RELN: variants seen among roughly 807,000 people sequenced by gnomAD.
The protein encoded by RELN is reelin.
Under a neutral mutation model 427.6 loss-of-function variants are expected in RELN, and 108 were observed. That is an observed-to-expected ratio of 0.25 (90% CI 0.22 to 0.30). The LOEUF (loss-of-function observed/expected upper bound fraction) is 0.30, where lower values mean the gene tolerates loss of function less well. RELN is among the 10% of genes least tolerant of loss of function. The pLI, the probability that RELN is intolerant of heterozygous loss-of-function variation, is 1.00. For synonymous variants in RELN, 1,524 were observed against 1,513.4 expected (o/e 1.01, Z -0.16); for missense variants, 3,715 against 4,302.8 (o/e 0.86, Z 3.82).
intron 28 of RELN, among the ~76,000 whole-genome samples, chr7:103,589,157 A>G (rs982148028): frequency 5.3e-5 from 8 of 152,230 alleles, no homozygotes; most frequent in Non-Finnish European, 5.9e-5. Context: ...GTGGTGACCC[A>G]CTGAGGTTTT....
At chr7:103,758,251 T>C (rs1177094013) in intron 4 of RELN, among the ~76,000 whole-genome samples, 1 of 152,172 alleles carries the variant, frequency 6.6e-6, no homozygotes, top group Admixed American at 6.5e-5. Flanking sequence ...CTGGACTGAA[T>C]TGGAAATTGA....
intron 2 of RELN, among the ~76,000 whole-genome samples, chr7:103,846,037 T>C (rs370135367): frequency 2.0e-5 from 3 of 152,224 alleles, no homozygotes; most frequent in African/African-American, 4.8e-5. Flanking sequence ...TCTATTCCCA[T>C]TGAGCTGCCA....
At chr7:103,927,171 G>C (rs1795763410) in intron 1 of RELN, among the ~76,000 whole-genome samples, 2 of 152,024 alleles carry the variant, frequency 1.3e-5, no homozygotes, top group Admixed American at 6.6e-5. Flanking sequence ...AGACCCTGTG[G>C]GTGTGAGACT....
At chr7:103,545,666 G>C (rs552610195) in intron 41 of RELN, among the ~76,000 whole-genome samples, 1 of 150,984 alleles carries the variant, frequency 6.6e-6, no homozygotes, top group South Asian at 2.1e-4. Context: ...TTTTGAGACA[G>C]AGTCTCACTC....
At chr7:103,588,274 A>T (rs993078493) in intron 28 of RELN, among the ~76,000 whole-genome samples, 3 of 152,224 alleles carry the variant, frequency 2.0e-5, no homozygotes, top group Admixed American at 2.0e-4. Flanking sequence ...AGGGTCAAAA[A>T]GACAAATATT....
At chr7:103,748,577 T>C (rs1475619659) in intron 6 of RELN, among the ~76,000 whole-genome samples, 2 of 152,216 alleles carry the variant, frequency 1.3e-5, no homozygotes, top group African/African-American at 2.4e-5. Context: ...GAACCATACC[T>C]CTTTTTAATT....
intron 63 of RELN, among the ~76,000 whole-genome samples, chr7:103,480,033 A>T (rs1381676701): frequency 6.6e-6 from 1 of 152,210 alleles, no homozygotes; most frequent in Admixed American, 6.5e-5. Flanking sequence ...TTGCAAAAAC[A>T]TATCAGTAGC....
chr7:103,635,439 G>T lies in RELN; in HGVS notation c.2451C>A (p.Ser817Arg). 2 of 1,613,904 alleles carry T rather than the reference G, an allele frequency of 1.2e-6. No homozygotes were observed. The highest frequency in any genetic ancestry group is 1.7e-6 in the Non-Finnish European group (2 of 1,179,880). ...TTCCAACATACCTGGGCTCATGATAGCTGAGATATGAATAATGCTCCAGGA... is the reference window on the plus strand; with the variant it reads ...TTCCAACATACCTGGGCTCATGATATCTGAGATATGAATAATGCTCCAGGA... ...WKLLEHYSYL[S>R]YHEPRIISVE... The change falls in exon 19 of 65, where the codon AGC becomes AGA. Residue 817 changes from serine (S) to arginine (R), a missense_variant. Ser to Arg is a moderately radical substitution (Grantham distance 110). Coordinates refer to ENST00000428762, the MANE Select transcript of RELN (RefSeq NM_005045.4).
At chr7:103,602,335 A>G (rs1270917898) in intron 24 of RELN, among the ~76,000 whole-genome samples, 1 of 152,238 alleles carries the variant, frequency 6.6e-6, no homozygotes, top group Non-Finnish European at 1.5e-5. Flanking sequence ...TTATGGGTAT[A>G]TACCCAAAGG....
At chr7:103,648,516 A>G (rs983893036) in intron 16 of RELN, among the ~76,000 whole-genome samples, 3 of 152,118 alleles carry the variant, frequency 2.0e-5, no homozygotes, top group Admixed American at 6.6e-5. Context: ...ACTCCTGAAC[A>G]CTTGCCTAGG....
chr7:103,908,159 C>G (rs947944034), intron 2 of RELN, among the ~76,000 whole-genome samples: 8 of 152,076 alleles, frequency 5.3e-5, no homozygotes, highest in African/African-American at 1.9e-4. Flanking sequence ...GGCGCTGATC[C>G]AGGCTCTAGG....
At chr7:103,503,916 AAACT>A in intron 51 of RELN, among the ~76,000 whole-genome samples, 1 of 150,512 alleles carries the variant, frequency 6.6e-6, no homozygotes, top group Non-Finnish European at 1.5e-5. Context: ...AAAAAAAAAA[AAACT>A]AGAGGCTGGG....
intron 1 of RELN, among the ~76,000 whole-genome samples, chr7:103,987,359 T>C (rs1025031130): frequency 3.3e-5 from 5 of 152,240 alleles, no homozygotes; most frequent in African/African-American, 1.2e-4. Flanking sequence ...TATGTGATTA[T>C]GGTGAGTCTT....
intron 4 of RELN, among the ~76,000 whole-genome samples, chr7:103,766,956 T>C (rs1422734748): frequency 6.6e-6 from 1 of 152,254 alleles, no homozygotes; most frequent in African/African-American, 2.4e-5. Flanking sequence ...AAATGGCACG[T>C]GCCCTTTGGG....
intron 49 of RELN, among the ~76,000 whole-genome samples, chr7:103,518,987 TATAA>T (rs1041122447): frequency 1.3e-5 from 2 of 152,222 alleles, no homozygotes; most frequent in African/African-American, 2.4e-5. Context: ...GTGTACACTA[TATAA>T]ATAAATATTT....
chr7:103,522,766 TC>T (rs1053877207), intron 47 of RELN, among the ~76,000 whole-genome samples: 3 of 150,672 alleles, frequency 2.0e-5, no homozygotes, highest in African/African-American at 7.4e-5. Flanking sequence ...AAAAAAGACT[TC>T]CCAGGTGTAT....
chr7:103,850,573 A>G (rs950178036), intron 2 of RELN, among the ~76,000 whole-genome samples: 3 of 152,150 alleles, frequency 2.0e-5, no homozygotes, highest in African/African-American at 4.8e-5. Context: ...CTTTGTAGCA[A>G]TTTGAATGGG....
At chr7:103,866,513 C>T (rs1794200870) in intron 2 of RELN, among the ~76,000 whole-genome samples, 1 of 151,884 alleles carries the variant, frequency 6.6e-6, no homozygotes, top group Admixed American at 6.6e-5. Flanking sequence ...TGATTGTGCT[C>T]CTGACATGAT....
chr7:103,508,026 A>G (rs888667357), intron 51 of RELN, among the ~76,000 whole-genome samples: 3 of 152,226 alleles, frequency 2.0e-5, no homozygotes, highest in African/African-American at 7.2e-5. Flanking sequence ...AATTTCTGAA[A>G]TTGAGGCAGT....
Sources: allele counts gnomAD v4.1 joint callset (sites outside exome capture counted in the v4.1 genomes callset), GRCh38; gene constraint gnomAD v4.1.1; transcripts MANE v1.5; gene names NCBI Gene and HGNC (gene_info 2026-07-23, HGNC 2026-07-21).